The following APBA1 variants were observed in gnomAD, a reference collection of about 807,000 sequenced individuals.
APBA1 encodes the protein amyloid-beta A4 precursor protein-binding family A member 1.
Under a neutral mutation model 86.6 loss-of-function variants are expected in APBA1, and 55 were observed. The observed-to-expected ratio is 0.64, with a 90% CI of 0.51 to 0.80. APBA1 has a LOEUF of 0.80. APBA1 is among the 30% of genes least tolerant of loss of function. The pLI, the probability that APBA1 is intolerant of heterozygous loss-of-function variation, is 0.00. For synonymous variants in APBA1, 511 were observed against 493.9 expected, an observed-to-expected ratio of 1.03 and a Z score of -0.46; for missense variants, 1,090 against 1,183.0, an observed-to-expected ratio of 0.92 and a Z score of 1.15.
At chr9:69,584,963 A>T (rs1821990763) in intron 1 of APBA1, among the ~76,000 whole-genome samples, 1 of 152,194 alleles carries the variant, frequency 6.6e-6, no homozygotes, top group Non-Finnish European at 1.5e-5. Context: ...GTGTCTGTGG[A>T]CAGATTAGAG....
intron 4 of APBA1, among the ~76,000 whole-genome samples, chr9:69,470,401 T>C (rs916816564): frequency 6.6e-6 from 1 of 152,218 alleles, no homozygotes; most frequent in Non-Finnish European, 1.5e-5. Context: ...GACATCCTCA[T>C]ACTCAGGCTA....
intron 2 of APBA1, among the ~76,000 whole-genome samples, chr9:69,500,691 C>T (rs10116203): frequency 0.17 from 25,864 of 151,740 alleles, 2,337 homozygotes; most frequent in Admixed American, 0.21. Context: ...TAGCACTTAC[C>T]AATTTTGACT....
intron 2 of APBA1, among the ~76,000 whole-genome samples, chr9:69,502,614 T>G (rs1012199865): frequency 6.6e-6 from 1 of 152,084 alleles, no homozygotes; most frequent in Non-Finnish European, 1.5e-5. Context: ...TAGAGCATTA[T>G]TCTCCACTGA....
chr9:69,645,809 G>A (rs1321228956), intron 1 of APBA1, among the ~76,000 whole-genome samples: 3 of 152,276 alleles, frequency 2.0e-5, no homozygotes, highest in South Asian at 2.1e-4. Context: ...GCACTTTCTC[G>A]TCAGACCAGT....
intron 1 of APBA1, among the ~76,000 whole-genome samples, chr9:69,543,177 T>A (rs749895042): frequency 6.6e-6 from 1 of 152,142 alleles, no homozygotes; most frequent in African/African-American, 2.4e-5. Context: ...GGAGGGGCCG[T>A]GGCCCCTAAT....
At chr9:69,525,395 A>C (rs1244193478) in intron 1 of APBA1, among the ~76,000 whole-genome samples, 1 of 152,176 alleles carries the variant, frequency 6.6e-6, no homozygotes, top group Non-Finnish European at 1.5e-5. Flanking sequence ...TCAGGACATG[A>C]CATCAATCTA....
At chr9:69,552,266 G>A (rs1188756782) in intron 1 of APBA1, among the ~76,000 whole-genome samples, 1 of 152,246 alleles carries the variant, frequency 6.6e-6, no homozygotes, top group Non-Finnish European at 1.5e-5. Flanking sequence ...CATTTAGGCT[G>A]AGCCTAGATA....
intron 1 of APBA1, among the ~76,000 whole-genome samples, chr9:69,524,630 A>T (rs1320205103): frequency 1.3e-5 from 2 of 152,026 alleles, no homozygotes; most frequent in Non-Finnish European, 2.9e-5. Context: ...CCTGTAACAG[A>T]TGGATTCACA....
chr9:69,641,217 T>C (rs946445730), intron 1 of APBA1, among the ~76,000 whole-genome samples: 2 of 151,872 alleles, frequency 1.3e-5, no homozygotes, highest in Non-Finnish European at 2.9e-5. Flanking sequence ...AAACGTGACA[T>C]ACTTAGGAAA....
At chr9:69,533,423 T>A (rs886517343) in intron 1 of APBA1, among the ~76,000 whole-genome samples, 18 of 152,176 alleles carry the variant, frequency 1.2e-4, no homozygotes, top group Non-Finnish European at 1.5e-4. Context: ...TGGTTGTTGC[T>A]TTGTAAACAG....
rs1220032298 is a variant in APBA1, at chr9:69,598,370, A to AAC, written c.-70+73782_-70+73783insGT. Among the ~76,000 whole-genome samples the AAC allele has an allele frequency of 1.4e-3, 217 of 152,270 alleles. 2 individuals are homozygous for AAC. The highest frequency in any genetic ancestry group is 3.4e-3 in the Middle Eastern group (1 of 294). On this transcript the variant is annotated intron_variant, in intron 1 of 12. Transcript: ENST00000265381. ...AGTGGGTGCAGCGCACCAGCATGGC[A>AAC]CATGTATACATATGTAACTAACCTG...
intron 1 of APBA1, among the ~76,000 whole-genome samples, chr9:69,658,356 T>TGTC (rs1823682581): frequency 7.3e-6 from 1 of 137,038 alleles, no homozygotes; most frequent in Admixed American, 7.5e-5. Context: ...CTTTCTTTCT[T>TGTC]TCTGTGTTTC....
chr9:69,543,284 C>G (rs377210141), intron 1 of APBA1, among the ~76,000 whole-genome samples: 1,874 of 9,500 alleles, frequency 0.2, 31 homozygotes, highest in Non-Finnish European at 0.27. Context: ...TTTCCCCCCC[C>G]CCCCCCCGGC....
intron 2 of APBA1, among the ~76,000 whole-genome samples, chr9:69,505,497 T>C (rs548289241): frequency 6.6e-6 from 1 of 152,256 alleles, no homozygotes; most frequent in South Asian, 2.1e-4. Context: ...TGCTCATCTG[T>C]TGCTGTTTCC....
intron 1 of APBA1, among the ~76,000 whole-genome samples, chr9:69,611,742 A>G (rs1314214809): frequency 6.6e-6 from 1 of 152,162 alleles, no homozygotes; most frequent in Non-Finnish European, 1.5e-5. Context: ...TAAGGTATTT[A>G]TTTGTGTGTG....
intron 1 of APBA1, among the ~76,000 whole-genome samples, chr9:69,534,276 AC>A (rs1177813506): frequency 6.6e-6 from 1 of 152,078 alleles, no homozygotes; most frequent in Non-Finnish European, 1.5e-5. Context: ...ATTGAAGCTC[AC>A]CCTTCACAAT....
intron 1 of APBA1, among the ~76,000 whole-genome samples, chr9:69,669,169 T>C (rs1230813366): frequency 6.6e-6 from 1 of 152,212 alleles, no homozygotes; most frequent in Admixed American, 6.5e-5. Flanking sequence ...AAATTAATTA[T>C]TGTAACCCAG....
At chr9:69,600,806 T>TGATA (rs1554705347) in intron 1 of APBA1, among the ~76,000 whole-genome samples, 3 of 143,684 alleles carry the variant, frequency 2.1e-5, no homozygotes, top group African/African-American at 7.7e-5. Flanking sequence ...CAAAAAATAA[T>TGATA]AATAAATAAA....
chr9:69,664,032 G>C (rs1161441811), intron 1 of APBA1, among the ~76,000 whole-genome samples: 1 of 152,152 alleles, frequency 6.6e-6, no homozygotes, highest in Non-Finnish European at 1.5e-5. Context: ...ATTTTAAAGA[G>C]AGAAACCATG....
Sources: gnomAD v4.1 joint callset for allele counts (sites outside exome capture counted in the v4.1 genomes callset) on GRCh38, gnomAD v4.1.1 for gene constraint, MANE v1.5 for transcripts, NCBI Gene and HGNC (gene_info 2026-07-23, HGNC 2026-07-21) for gene names.